Variants in MTRR observed in about 807,000 individuals in gnomAD.
MTRR encodes the protein 5-methyltetrahydrofolate-homocysteine methyltransferase reductase, also known as methionine synthase reductase.
In MTRR, 63 loss-of-function variants were observed where a neutral mutation model predicts 79.2. That is an observed-to-expected ratio of 0.80 (90% confidence interval 0.65 to 0.98). The LOEUF (loss-of-function observed/expected upper bound fraction) is 0.98, where lower values mean the gene tolerates loss of function less well. MTRR is among the 50% of genes least tolerant of loss of function. The probability of loss-of-function intolerance (pLI) is 0.00; values close to 1 mark genes in which losing one functional copy is unlikely to be tolerated. For missense variants in MTRR, 895 were observed against 839.6 expected, an observed-to-expected ratio of 1.07 and a Z score of -0.82; for synonymous variants, 355 against 313.3, an observed-to-expected ratio of 1.13 and a Z score of -1.41.
chr5:7,898,165 A>G (rs982297311), intron 14 of MTRR, among the ~76,000 whole-genome samples: 1 of 152,234 alleles, frequency 6.6e-6, no homozygotes, highest in African/African-American at 2.4e-5. Context: ...CTTTAGGTCA[A>G]TAAAGGGCAG....
chr5:7,887,834 G>GTTT (rs33961116), intron 8 of MTRR, among the ~76,000 whole-genome samples: 3 of 114,210 alleles, frequency 2.6e-5, no homozygotes, highest in Admixed American at 9.8e-5. Context: ...ATATATATGG[G>GTTT]TTTTTTCAAA....
chr5:7,897,036 T>G (rs371247503), intron 13 of MTRR, 29 bp from the exon 14 acceptor site: 2 of 1,613,002 alleles, frequency 1.2e-6, no homozygotes, highest in Non-Finnish European at 1.7e-6. Context: ...TGACAACCTT[T>G]TAGTGATCCA....
At chr5:7,877,383 AAAAT>A (rs777028701) in intron 4 of MTRR, among the ~76,000 whole-genome samples, 2 of 152,150 alleles carry the variant, frequency 1.3e-5, no homozygotes, top group African/African-American at 4.8e-5. Context: ...CTAAAATAAA[AAAAT>A]AAATAAAGGC....
chr5:7,870,055 C>G, intron 1 of MTRR: 3 of 985,388 alleles, frequency 3.0e-6, no homozygotes, highest in South Asian at 9.4e-5. Flanking sequence ...GGAAAAAAAT[C>G]TGTGAGTGTC....
chr5:7,885,852 A>T lies in MTRR; in HGVS notation c.1055A>T (p.Lys352Ile). Residue 352 changes from lysine (K) to isoleucine (I), a missense_variant and splice_region_variant, in exon 7 of 15, where the codon AAA (lysine) becomes ATA (isoleucine). Transcript: ENST00000440940. ...AAAATAAAGGCAGACACAAAGAAGA[A>T]AGGTAACAGCCCTGATGCTGTGACG... Reference protein sequence around the residue: ...LLKIKADTKKKGATLPQHIPA... With the variant: ...LLKIKADTKKIGATLPQHIPA... 6.2e-7 allele frequency: 1 copy of T among 1,614,068 alleles called. No individual in the cohort carries two copies. The highest frequency in any genetic ancestry group is 8.5e-7 in the Non-Finnish European group (1 of 1,179,998).
rs976647712 is a variant in MTRR, at chr5:7,870,789, G to A, written c.-6G>A. 8.7e-6 allele frequency: 14 copies of A among 1,614,170 alleles called. No individual in the cohort carries two copies. The highest frequency in any genetic ancestry group is 1.2e-5 in the Non-Finnish European group (14 of 1,180,036). On this transcript the variant is annotated 5_prime_UTR_variant, in exon 2 of 15. An upstream open reading frame in the 5' UTR loses its in-frame stop. Coordinates refer to ENST00000440940, the MANE Select transcript of MTRR (RefSeq NM_002454.3). ...TTTCAGTTTCACTGTTACATGCCTT[G>A]AAGTGATGAGGAGGTTTCTGTTACT...
At chr5:7,856,944 A>C (rs1377389974) in intron 1 of MTRR, 1 of 151,896 alleles carries the variant, frequency 6.6e-6, no homozygotes, top group Non-Finnish European at 1.5e-5. Context: ...ACACTCTTCC[A>C]CAGCTCCTGC....
At chr5:7,881,883 G>A (rs879374730) in intron 5 of MTRR, among the ~76,000 whole-genome samples, 2 of 152,082 alleles carry the variant, frequency 1.3e-5, no homozygotes, top group African/African-American at 4.8e-5. Context: ...GCTTCCACTG[G>A]CACTCCCTGC....
In MTRR at chr5:7,885,985, A is replaced by C. The variant is rs78869385; in HGVS notation, c.1057+131A>C. On this transcript the variant is annotated intron_variant, in intron 7 of 14. Coordinates refer to ENST00000440940, the MANE Select transcript of MTRR (RefSeq NM_002454.3). ...GATGCCTGGGGCTCAGCTGCGCATC[A>C]AGGTCTGGGAACACAGGCATACGCT... The C allele has an allele frequency of 3.1e-5, 36 of 1,176,492 alleles. No individual in the cohort carries two copies. The East Asian group carries it at 5.4e-4, about 18-fold the overall frequency. The allele number at this position is 1,176,492 out of a possible 1,614,324, so 72.9% of individuals were successfully genotyped here.
At chr5:7,851,142 T>C, upstream of MTRR, 1 of 1,181,708 alleles carries the variant, frequency 8.5e-7, no homozygotes, top group Non-Finnish European at 1.1e-6. Context: ...CTGTGTTCGG[T>C]CGTTGCCTGG....
rs2126785758 is a variant in MTRR, at chr5:7,891,412, A to G, written c.1368A>G (p.Ala456=). The change falls in exon 10 of 15, where the codon GCA becomes GCG. Residue 456 remains alanine (A), a splice_region_variant and synonymous_variant. Transcript: ENST00000440940. ...TTCAACCCAGACCATATTCGTGTGC[A>G]AGGTACTACTATTTATTCACGTAAT... The part of the protein sequence containing the change: ...PKLQPRPYSC[A]SSSLFHPGKL... The G allele has an allele frequency of 2.5e-6, 4 of 1,609,838 alleles. No individual in the cohort carries two copies. Among genetic ancestry groups the G allele is most frequent in the Non-Finnish European group, 3.4e-6 (4 of 1,176,822 alleles).
chr5:7,866,330 ATAC>A (rs1561104781), upstream of MTRR, among the ~76,000 whole-genome samples: 14 of 129,352 alleles, frequency 1.1e-4, no homozygotes, highest in Non-Finnish European at 1.5e-4. Flanking sequence ...AAAAAAAAAG[ATAC>A]AGTTGCTCAC....
chr5:7,872,262 A>G (rs1278612775), intron 2 of MTRR: 3 of 454,822 alleles, frequency 6.6e-6, no homozygotes, highest in South Asian at 3.1e-5. Context: ...TTGGAGCCAA[A>G]TTCGATGGTG....
At chr5:7,875,477 C>T in intron 4 of MTRR, 102 bp downstream of exon 4, 1 of 1,080,770 alleles carries the variant, frequency 9.3e-7, no homozygotes, top group Admixed American at 1.7e-5. Flanking sequence ...AAATTTTCCT[C>T]ATGTTTTACT....
chr5:7,857,163 AC>A (rs1746270166), intron 1 of MTRR, among the ~76,000 whole-genome samples: 1 of 152,120 alleles, frequency 6.6e-6, no homozygotes, highest in South Asian at 2.1e-4. Context: ...GCTTTGCTTT[AC>A]TTTTGAAAAC....
chr5:7,895,554 C>G (rs757951332), intron 11 of MTRR, among the ~76,000 whole-genome samples, 180 bp from the exon 12 acceptor site: 23 of 152,152 alleles, frequency 1.5e-4, no homozygotes, highest in Non-Finnish European at 3.1e-4. Context: ...ATTTGCAAGA[C>G]AAACTTCTTT....
rs78948994 is a variant in MTRR, at chr5:7,886,856, A to C, written c.1146+153A>C. Among the ~76,000 whole-genome samples the C allele has an allele frequency of 5.4e-4, 82 of 152,334 alleles. No individual in the cohort carries two copies. In the East Asian group the frequency reaches 0.013, roughly 25 times the overall value. ...ATATTAGTTCCCAAGGGTGTGTGCT[A>C]TCATCGTAACTATCATCTATGAATC... On this transcript the variant is annotated intron_variant, in intron 8 of 14. Coordinates refer to ENST00000440940, the MANE Select transcript of MTRR (RefSeq NM_002454.3).
At position 7,896,930 on chromosome 5, in the gene MTRR, GCATAAGGATAGGGATTAT is replaced by G; in HGVS notation, c.1745_1762del (p.His582_Tyr587del). The stretch of plus-strand genomic sequence containing the variant: ...CAATGTGGTTGTTTTTTGGCTGCAG[GCATAAGGATAGGGATTAT>G]CTATTCAGGTATTGTACAATTCCAG... On this transcript the variant is annotated inframe_deletion, in exon 13 of 15. Transcript: ENST00000440940. 1.2e-6 allele frequency: 2 copies of G among 1,613,984 alleles called. No individual in the cohort carries two copies. Among genetic ancestry groups the G allele is most frequent in the Non-Finnish European group, 1.7e-6 (2 of 1,179,984 alleles).
chr5:7,870,298 T>A (rs911101999), intron 1 of MTRR: 17 of 200,028 alleles, frequency 8.5e-5, no homozygotes, highest in African/African-American at 3.5e-4. Flanking sequence ...ATCATTTTAA[T>A]ATAGTTTTTA....
Sources: gnomAD v4.1 joint callset for allele counts (sites outside exome capture counted in the v4.1 genomes callset) on GRCh38, gnomAD v4.1.1 for gene constraint, MANE v1.5 for transcripts, NCBI Gene and HGNC (gene_info 2026-07-23, HGNC 2026-07-21) for gene names.